Variants in FSTL4 observed in about 807,000 individuals in gnomAD.
FSTL4 encodes the protein follistatin-related protein 4.
FSTL4 carries 28 observed loss-of-function variants against 78.2 expected under a neutral mutation model. That is an observed-to-expected ratio of 0.36 (90% CI 0.27 to 0.49). The LOEUF is 0.49. Ranked by LOEUF, FSTL4 falls within the 20% of genes least tolerant of loss-of-function variation. FSTL4 has a pLI of 0.98. For synonymous variants in FSTL4, 422 were observed against 440.5 expected (o/e 0.96, Z 0.53); for missense variants, 922 against 1,084.9 (o/e 0.85, Z 2.11).
At chr5:133,757,444 A>G in the FSTL4 span, among the ~76,000 whole-genome samples, 1 of 152,230 alleles carries the variant, frequency 6.6e-6, no homozygotes, top group Non-Finnish European at 1.5e-5. Context: ...ACAATACTAG[A>G]CAGCACAGGT....
At chr5:133,567,071 G>A (rs566558030) in intron 3 of FSTL4, 115 bp downstream of exon 3, 30 of 789,264 alleles carry the variant, frequency 3.8e-5, no homozygotes, top group African/African-American at 1.2e-4. Context: ...AGAAAAGGCC[G>A]CATGAAATTT....
At chr5:133,694,323 A>G in the FSTL4 span, among the ~76,000 whole-genome samples, 1 of 152,260 alleles carries the variant, frequency 6.6e-6, no homozygotes, top group Non-Finnish European at 1.5e-5. Context: ...CCGAGGGCCT[A>G]AAACTGAGTT....
At chr5:133,734,734 C>T in the FSTL4 span, among the ~76,000 whole-genome samples, 5 of 152,124 alleles carry the variant, frequency 3.3e-5, no homozygotes, top group Admixed American at 3.3e-4. Context: ...TTTCTCAGCC[C>T]AGTGTTTTCT....
intron 6 of FSTL4, among the ~76,000 whole-genome samples, chr5:133,284,883 C>T (rs924747134): frequency 6.6e-6 from 1 of 152,072 alleles, no homozygotes; most frequent in African/African-American, 2.4e-5. Context: ...GTAAACAGAC[C>T]CACGGGAAGA....
At chr5:133,530,950 T>C (rs1402467158) in intron 3 of FSTL4, among the ~76,000 whole-genome samples, 1 of 152,164 alleles carries the variant, frequency 6.6e-6, no homozygotes, top group African/African-American at 2.4e-5. Context: ...CAGTGCCAAA[T>C]GCTGCGCAAG....
intron 1 of FSTL4, among the ~76,000 whole-genome samples, chr5:133,609,582 T>G (rs1580820731): frequency 6.6e-6 from 1 of 152,312 alleles, no homozygotes; most frequent in East Asian, 1.9e-4. Flanking sequence ...AAATTAGGCA[T>G]GGAGATATAG....
chr5:133,704,085 G>A, the FSTL4 span, among the ~76,000 whole-genome samples: 1 of 152,132 alleles, frequency 6.6e-6, no homozygotes, highest in African/African-American at 2.4e-5. Flanking sequence ...AACAGGGCTG[G>A]GGATAGGAAG....
At chr5:133,636,728 T>A in the FSTL4 span, among the ~76,000 whole-genome samples, 1 of 152,178 alleles carries the variant, frequency 6.6e-6, no homozygotes, top group Admixed American at 6.5e-5. Flanking sequence ...TATGTCTAAA[T>A]GAATGGATAG....
chr5:133,277,236 C>T (rs1016878931), intron 6 of FSTL4, among the ~76,000 whole-genome samples: 7 of 152,062 alleles, frequency 4.6e-5, no homozygotes, highest in Admixed American at 2.6e-4. Context: ...TTGCTTGAAC[C>T]TGAGAGGCAG....
At chr5:133,478,525 C>CAA (rs1315404713) in intron 3 of FSTL4, among the ~76,000 whole-genome samples, 1 of 152,180 alleles carries the variant, frequency 6.6e-6, no homozygotes, top group Admixed American at 6.5e-5. Context: ...TACAGGCTTG[C>CAA]AAATTTAATC....
chr5:133,581,812 A>G (rs1165512057), intron 2 of FSTL4, among the ~76,000 whole-genome samples: 1 of 152,244 alleles, frequency 6.6e-6, no homozygotes, highest in African/African-American at 2.4e-5. Context: ...GTTCTAATGT[A>G]TGGACAAGTT....
intron 4 of FSTL4, among the ~76,000 whole-genome samples, chr5:133,388,718 TA>T (rs1482579450): frequency 6.6e-6 from 1 of 152,150 alleles, no homozygotes; most frequent in Admixed American, 6.5e-5. Context: ...ATAGGGCACT[TA>T]TTTTTTTGGA....
chr5:133,681,477 T>C, the FSTL4 span, among the ~76,000 whole-genome samples: 1 of 152,268 alleles, frequency 6.6e-6, no homozygotes, highest in Admixed American at 6.5e-5. Context: ...CAGTCCTAGA[T>C]ACGTTAATAT....
chr5:133,570,102 G>A (rs947684344), intron 2 of FSTL4, among the ~76,000 whole-genome samples: 8 of 151,624 alleles, frequency 5.3e-5, no homozygotes, highest in African/African-American at 1.4e-4. Flanking sequence ...CCAGCTACTC[G>A]GGAGTCTGAG....
intron 3 of FSTL4, among the ~76,000 whole-genome samples, chr5:133,484,733 T>C (rs529814271): frequency 2.6e-5 from 4 of 152,300 alleles, no homozygotes; most frequent in Admixed American, 2.6e-4. Context: ...GTGTCAGCGG[T>C]CAGGGTCAGG....
chr5:133,490,470 A>C (rs774039832), intron 3 of FSTL4, among the ~76,000 whole-genome samples: 1 of 151,758 alleles, frequency 6.6e-6, no homozygotes, highest in South Asian at 2.1e-4. Flanking sequence ...ATTATTTTTA[A>C]AGTTTGAGAT....
the FSTL4 span, among the ~76,000 whole-genome samples, chr5:133,745,710 C>A: frequency 6.6e-6 from 1 of 152,200 alleles, no homozygotes; most frequent in Non-Finnish European, 1.5e-5. Context: ...ATCCACAAAC[C>A]AACTTCCATT....
At chr5:133,401,992 A>C (rs1268025111) in intron 3 of FSTL4, among the ~76,000 whole-genome samples, 1 of 152,078 alleles carries the variant, frequency 6.6e-6, no homozygotes, top group African/African-American at 2.4e-5. Flanking sequence ...GTCATGCTCC[A>C]AGTGTTCAGG....
the FSTL4 span, among the ~76,000 whole-genome samples, chr5:133,686,564 A>C: frequency 1.3e-5 from 2 of 152,190 alleles, no homozygotes; most frequent in Non-Finnish European, 2.9e-5. Flanking sequence ...TGGATAACTG[A>C]CGTGTATGCC....
Sources: gnomAD v4.1 joint callset for allele counts (sites outside exome capture counted in the v4.1 genomes callset) on GRCh38, gnomAD v4.1.1 for gene constraint, MANE v1.5 for transcripts, NCBI Gene and HGNC (gene_info 2026-07-23, HGNC 2026-07-21) for gene names.